SLC30A7: variants seen among roughly 807,000 people sequenced by gnomAD.
The protein encoded by SLC30A7 is zinc transporter 7.
Under a neutral mutation model 46.0 loss-of-function variants are expected in SLC30A7, and 35 were observed. The observed-to-expected ratio is 0.76, with a 90% confidence interval of 0.58 to 1.01. The LOEUF is 1.01. Among genes scored for constraint, SLC30A7 ranks in the 50% least tolerant of loss-of-function variants. The pLI, the probability that SLC30A7 is intolerant of heterozygous loss-of-function variation, is 0.00. For missense variants in SLC30A7, 464 were observed against 451.1 expected, an observed-to-expected ratio of 1.03 and a Z score of -0.26; for synonymous variants, 147 against 157.8, an observed-to-expected ratio of 0.93 and a Z score of 0.51.
At chr1:100,920,970 A>G (rs1056418603) in intron 7 of SLC30A7, among the ~76,000 whole-genome samples, 4 of 152,076 alleles carry the variant, frequency 2.6e-5, no homozygotes, top group African/African-American at 7.2e-5. Flanking sequence ...TATTGTACAT[A>G]AATCTTACTT....
intron 2 of SLC30A7, among the ~76,000 whole-genome samples, chr1:100,897,731 A>G (rs1035265007): frequency 9.2e-5 from 14 of 152,176 alleles, no homozygotes; most frequent in African/African-American, 3.4e-4. Context: ...CCGTCAATTC[A>G]GTTCTATAAA....
chr1:100,948,138 T>C (rs1041326384), intron 8 of SLC30A7, among the ~76,000 whole-genome samples: 1 of 152,214 alleles, frequency 6.6e-6, no homozygotes, highest in African/African-American at 2.4e-5. Context: ...AGTTTCTTCA[T>C]AGCATCGATG....
intron 10 of SLC30A7, among the ~76,000 whole-genome samples, chr1:100,973,768 C>T (rs1656297538): frequency 6.6e-6 from 1 of 151,894 alleles, no homozygotes; most frequent in South Asian, 2.1e-4. Flanking sequence ...AAAAGGGCAG[C>T]CAGTGAATAT....
At chr1:100,952,266 T>G (rs757998323) in intron 8 of SLC30A7, among the ~76,000 whole-genome samples, 1 of 152,204 alleles carries the variant, frequency 6.6e-6, no homozygotes, top group African/African-American at 2.4e-5. Context: ...CAAATGCTGT[T>G]TTAACTTTTT....
At chr1:100,901,052 A>G (rs1402211002) in intron 2 of SLC30A7, among the ~76,000 whole-genome samples, 1 of 152,204 alleles carries the variant, frequency 6.6e-6, no homozygotes, top group Non-Finnish European at 1.5e-5. Context: ...AAGCAGACAC[A>G]AGATGTAATT....
intron 5 of SLC30A7, 133 bp downstream of exon 5, chr1:100,912,371 C>T (rs1338758910): frequency 1.9e-6 from 2 of 1,029,070 alleles, no homozygotes; most frequent in Non-Finnish European, 2.9e-6. Context: ...CCTGAACTAT[C>T]CCTTTCACTT....
intron 8 of SLC30A7, among the ~76,000 whole-genome samples, chr1:100,950,568 G>T (rs1001842684): frequency 2.6e-5 from 4 of 152,128 alleles, no homozygotes; most frequent in African/African-American, 9.7e-5. Context: ...TTCTATCACT[G>T]CCTCTTGCCA....
intron 8 of SLC30A7, among the ~76,000 whole-genome samples, chr1:100,943,768 GAGAAT>G (rs1286818379): frequency 6.6e-6 from 1 of 152,160 alleles, no homozygotes; most frequent in Non-Finnish European, 1.5e-5. Flanking sequence ...CCTTAAAAAG[GAGAAT>G]AAAGATGATC....
chr1:100,993,559 A>AATATAAATATATATATATAT, the SLC30A7 span, among the ~76,000 whole-genome samples: 2 of 56,534 alleles, frequency 3.5e-5, no homozygotes, highest in African/African-American at 1.2e-4. Flanking sequence ...CGAAAATATA[A>AATATAAATATATATATATAT]ATATATATAT....
chr1:100,991,981 T>C, the SLC30A7 span, among the ~76,000 whole-genome samples: 2 of 151,572 alleles, frequency 1.3e-5, no homozygotes, highest in African/African-American at 4.9e-5. Flanking sequence ...CATGGTGGCA[T>C]GCACTTGTAG....
At chr1:100,973,128 T>C (rs900524447) in intron 10 of SLC30A7, among the ~76,000 whole-genome samples, 1 of 152,028 alleles carries the variant, frequency 6.6e-6, no homozygotes, top group African/African-American at 2.4e-5. Flanking sequence ...GACAAGCTTC[T>C]AGAGCCTGCA....
intron 6 of SLC30A7, among the ~76,000 whole-genome samples, chr1:100,915,252 T>TCTTTCTTTCTTTCTTTCTTC (rs1486603338): frequency 7.1e-6 from 1 of 141,088 alleles, no homozygotes; most frequent in Non-Finnish European, 1.6e-5. Flanking sequence ...TTTCTTTCTT[T>TCTTTCTTTCTTTCTTTCTTC]CTTCCTTTCT....
downstream of SLC30A7, among the ~76,000 whole-genome samples, chr1:100,983,702 C>T (rs1347638478): frequency 6.6e-6 from 1 of 152,152 alleles, no homozygotes; most frequent in Non-Finnish European, 1.5e-5. Context: ...AAAATTATTT[C>T]CTGAATGTAG....
chr1:100,916,959 A>G (rs1000327697), intron 6 of SLC30A7, among the ~76,000 whole-genome samples: 6 of 152,162 alleles, frequency 3.9e-5, no homozygotes, highest in Non-Finnish European at 7.3e-5. Context: ...TATCAGATAC[A>G]TAGTTTGCAA....
At position 100,947,466 on chromosome 1, in the gene SLC30A7, C is replaced by T. The variant is rs187015337; in HGVS notation, c.843-14362C>T. Among the ~76,000 whole-genome samples, 599 of 152,308 alleles carry T rather than the reference C, an allele frequency of 3.9e-3. 9 individuals are homozygous for T. Among genetic ancestry groups the T allele is most frequent in the African/African-American group, 0.013 (546 of 41,572 alleles). On this transcript the variant is annotated intron_variant, in intron 8 of 10. Transcript: ENST00000357650. ...TTTACATTTGCTGAGGAGTGCTTTA[C>T]TTCCAATTATGTGGTCAATTTTAGA...
At position 100,935,263 on chromosome 1, in the gene SLC30A7, C is replaced by A. The variant is rs191892892; in HGVS notation, c.842+13422C>A. On this transcript the variant is annotated intron_variant, in intron 8 of 10. Transcript: ENST00000357650. ...CATTTTTCAGTTACACAAATGACAA[C>A]CGTCTTTTGACTGCATCAAAACCTG... Among the ~76,000 whole-genome samples, 330 of 152,326 alleles carry A rather than the reference C, an allele frequency of 2.2e-3. 1 individual carries two copies. In the Middle Eastern group the frequency reaches 0.024, roughly 11 times the overall value.
downstream of SLC30A7, among the ~76,000 whole-genome samples, chr1:100,983,411 A>AG (rs1438779634): frequency 2.0e-5 from 3 of 151,780 alleles, 1 homozygote; most frequent in African/African-American, 7.2e-5. Context: ...CAAAACAAAA[A>AG]AAACTACCAT....
At chr1:100,925,288 G>A (rs980795128) in intron 8 of SLC30A7, among the ~76,000 whole-genome samples, 4 of 152,244 alleles carry the variant, frequency 2.6e-5, no homozygotes, top group African/African-American at 9.6e-5. Flanking sequence ...AGTGGTTTGA[G>A]ATAAAGTTGG....
intron 5 of SLC30A7, 37 bp downstream of exon 5, chr1:100,912,275 A>G (rs1398043291): frequency 6.3e-7 from 1 of 1,599,726 alleles, no homozygotes; most frequent in Admixed American, 1.7e-5. Flanking sequence ...TTCATTTTCT[A>G]CTAGGTTTCT....
Sources: gnomAD v4.1 joint callset for allele counts (sites outside exome capture counted in the v4.1 genomes callset) on GRCh38, gnomAD v4.1.1 for gene constraint, MANE v1.5 for transcripts, NCBI Gene and HGNC (gene_info 2026-07-23, HGNC 2026-07-21) for gene names.